MED8: variants seen among roughly 807,000 people sequenced by gnomAD.
MED8 encodes mediator of RNA polymerase II transcription subunit 8.
Under a neutral mutation model 34.8 loss-of-function variants are expected in MED8, and 22 were observed. The ratio of observed to expected loss-of-function variants is 0.63; its 90% confidence interval spans 0.45 to 0.90. The LOEUF (loss-of-function observed/expected upper bound fraction) is 0.90. MED8 is among the 40% of genes least tolerant of loss of function. The pLI, the probability that MED8 is intolerant of heterozygous loss-of-function variation, is 0.00. For synonymous variants in MED8, 105 were observed against 120.2 expected, an observed-to-expected ratio of 0.87 and a Z score of 0.83; for missense variants, 260 against 326.3, an observed-to-expected ratio of 0.80 and a Z score of 1.57.
rs747823477 is a variant in MED8 at position 43,388,435 on chromosome 1, C to A, written c.7-7G>T. On this transcript the variant is annotated splice_region_variant and splice_polypyrimidine_tract_variant and intron_variant, in intron 1 of 6. Coordinates refer to ENST00000372457, the MANE Select transcript of MED8 (RefSeq NM_201542.5). The stretch of plus-strand genomic sequence containing the variant: ...CAAGCTGCTTCTCCTCTCTCTGCAC[C>A]AATAGGAACAGGTTGGTCACCCAGA... 1.2e-6 allele frequency: 2 copies of A among 1,613,130 alleles called. No individual in the cohort carries two copies. Among genetic ancestry groups the A allele is most frequent in the Admixed American group, 3.3e-5 (2 of 60,006 alleles).
intron 1 of MED8, among the ~76,000 whole-genome samples, chr1:43,389,444 C>G (rs1172816046): frequency 2.0e-5 from 3 of 150,122 alleles, no homozygotes; most frequent in African/African-American, 7.3e-5. Flanking sequence ...CCACCACCTT[C>G]TTGAGCCGTC....
At chr1:43,385,460 T>G in intron 6 of MED8, 1 of 245,288 alleles carries the variant, frequency 4.1e-6, no homozygotes, top group Non-Finnish European at 8.0e-6. Context: ...ATTGTCCCTT[T>G]TCCTAGACAG....
chr1:43,385,669 A>G (rs1467244335), intron 6 of MED8: 6 of 372,432 alleles, frequency 1.6e-5, no homozygotes, highest in Middle Eastern at 8.3e-4. Flanking sequence ...TCTCTACCTA[A>G]CAAGAGACAC....
rs1454015367 is a variant in MED8, at chr1:43,386,314, T to G, written c.494-88A>C. The stretch of plus-strand genomic sequence containing the variant: ...GGAAGACCAGTATGAGTGCCAGGGT[T>G]TGGAGTTCTGAATTCAGCAACATCT... On this transcript the variant is annotated intron_variant, in intron 5 of 6. Transcript: ENST00000372457. The surrounding 1 kb of genome is among the most constrained non-coding windows in gnomAD (Gnocchi z 4.9). 6.7e-7 allele frequency: 1 copy of G among 1,497,776 alleles called. No individual in the cohort carries two copies. 92.8% of individuals were successfully genotyped at this position (1,497,776 alleles called of 1,614,324 possible). A position where few individuals can be genotyped will look rare whatever the true frequency, so the allele number is the denominator to read the frequency against.
Position 43,388,352 on chromosome 1 carries a change from C to T in MED8, c.83G>A (p.Ser28Asn), listed in dbSNP as rs754067409. The change falls in exon 2 of 7, where the codon AGT (serine) becomes AAT (asparagine). Residue 28 changes from serine to asparagine, a missense_variant. By Grantham distance (46) the Ser-to-Asn change is conservative. Coordinates refer to ENST00000372457, the MANE Select transcript of MED8 (RefSeq NM_201542.5). ...CTCGTTCTCCAACTTGCAAATGAAA[C>T]TCCCCAGAGAGTTCTTCAGATCAGC... ...QVADLKNSLG[S>N]FICKLENEYG... 5.0e-6 allele frequency: 8 copies of T among 1,613,694 alleles called. No homozygotes were observed. In the South Asian group the frequency reaches 7.7e-5, roughly 16 times the overall value.
In MED8 at chr1:43,385,031, G is replaced by A; in HGVS notation, c.*11C>T. The A allele has an allele frequency of 6.4e-7, 1 of 1,554,500 alleles. No homozygotes were observed. The highest frequency in any genetic ancestry group is 8.7e-7 in the Non-Finnish European group (1 of 1,148,606). ...CAAAGAGCACCAGGGAGTCGAGGTT[G>A]CCAGCCACACTCACCGCTGGTAGGG... On this transcript the variant is annotated 3_prime_UTR_variant, in exon 7 of 7. Coordinates refer to ENST00000372457, the MANE Select transcript of MED8 (RefSeq NM_201542.5).
intron 1 of MED8, 148 bp downstream of exon 1, chr1:43,389,611 A>G: frequency 7.9e-7 from 1 of 1,259,932 alleles, no homozygotes; most frequent in Admixed American, 2.8e-5. Flanking sequence ...CGCTCCAATT[A>G]GCCTCGCCCC....
chr1:43,385,007 A>C lies in MED8; in HGVS notation c.*35T>G. On this transcript the variant is annotated 3_prime_UTR_variant, in exon 7 of 7. Transcript: ENST00000372457. Reference sequence around the variant, plus strand: ...AGGTAATTTCACTGCCCAACTCTGCAAAGAGCACCAGGGAGTCGAGGTTGC... The same window carrying C: ...AGGTAATTTCACTGCCCAACTCTGCCAAGAGCACCAGGGAGTCGAGGTTGC... The C allele has an allele frequency of 4.5e-6, 7 of 1,550,010 alleles. No individual in the cohort carries two copies. The highest frequency in any genetic ancestry group is 6.1e-6 in the Non-Finnish European group (7 of 1,146,700).
Position 43,384,716 on chromosome 1 carries a change from G to A in MED8, c.*326C>T. The A allele has an allele frequency of 6.9e-7, 1 of 1,441,506 alleles. No homozygotes were observed. Among genetic ancestry groups the A allele is most frequent in the Non-Finnish European group, 9.1e-7 (1 of 1,099,926 alleles). 89.3% of individuals were successfully genotyped at this position (1,441,506 alleles called of 1,614,324 possible). On this transcript the variant is annotated 3_prime_UTR_variant, in exon 7 of 7. Coordinates refer to ENST00000372457, the MANE Select transcript of MED8 (RefSeq NM_201542.5). ...ATCAAGGACTGTGGAGGGTGGTGGG[G>A]AGAAGGATCTGTAGAAACTATCATT...
chr1:43,384,810 C>T lies in MED8; in HGVS notation c.*232G>A. 11 of 1,384,858 alleles carry T rather than the reference C, an allele frequency of 7.9e-6. No individual in the cohort carries two copies. Among genetic ancestry groups the T allele is most frequent in the East Asian group, 2.5e-5 (1 of 39,320 alleles). The allele number at this position is 1,384,858 out of a possible 1,614,324, so 85.8% of individuals were successfully genotyped here. A position where few individuals can be genotyped will look rare whatever the true frequency, so the allele number is the denominator to read the frequency against. ...ATTCATTTCCTCATTTTAATCCTCA[C>T]AACAACCCTATGAGGTAGGTATTAT... On this transcript the variant is annotated 3_prime_UTR_variant, in exon 7 of 7. Transcript: ENST00000372457.
chr1:43,388,946 A>G (rs890143874), intron 1 of MED8: 1 of 152,978 alleles, frequency 6.5e-6, no homozygotes, highest in Admixed American at 6.5e-5. Flanking sequence ...TGCTCTCATC[A>G]TTTTGTTTCA....
chr1:43,384,978 C>A lies in MED8; in HGVS notation c.*64G>T. ...TGTACCCATCTAGGTGAGCCTTGAG[C>A]AAAAGGTAATTTCACTGCCCAACTC... On this transcript the variant is annotated 3_prime_UTR_variant, in exon 7 of 7. Transcript: ENST00000372457. 1.3e-6 allele frequency: 2 copies of A among 1,528,330 alleles called. No homozygotes were observed. The highest frequency in any genetic ancestry group is 1.8e-6 in the Non-Finnish European group (2 of 1,138,494). 94.7% of individuals were successfully genotyped at this position (1,528,330 alleles called of 1,614,324 possible). A position where few individuals can be genotyped will look rare whatever the true frequency, so the allele number is the denominator to read the frequency against.
chr1:43,387,522 T>C lies in MED8; in HGVS notation c.251A>G (p.Asp84Gly). 1 of 1,614,036 alleles carries C rather than the reference T, an allele frequency of 6.2e-7. No individual in the cohort carries two copies. Among genetic ancestry groups the C allele is most frequent in the Non-Finnish European group, 8.5e-7 (1 of 1,179,874 alleles). Residue 84 changes from aspartate to glycine, a missense_variant, in exon 3 of 7, where the codon GAC (aspartate) becomes GGC (glycine). Physicochemically the swap from Asp to Gly is moderately conservative, Grantham distance 94. Coordinates refer to ENST00000372457, the MANE Select transcript of MED8 (RefSeq NM_201542.5). ...TCTTACCATGAGATCTTCATCTCGG[T>C]CTGGAGACAACACCAGAGGAATGAT... ...QVIIPLVLSP[D>G]RDEDLMRQTE...
intron 6 of MED8, 196 bp from the exon 7 acceptor site, chr1:43,385,302 G>T: frequency 1.5e-6 from 1 of 649,042 alleles, no homozygotes. Context: ...GAGGAAAGAA[G>T]TGACATGGGA....
Position 43,386,977 on chromosome 1 carries a change from G to A in MED8, c.292C>T (p.Pro98Ser). 1 of 1,613,976 alleles carries A rather than the reference G, an allele frequency of 6.2e-7. No individual in the cohort carries two copies. Among genetic ancestry groups the A allele is most frequent in the Non-Finnish European group, 8.5e-7 (1 of 1,179,896 alleles). ...GGGACTACCTCATGGCTGAAAACAG[G>A]CACCCGTCCTTCAGTCTGCCGCTGT... Reference protein sequence around the residue: ...DLMRQTEGRVPVFSHEVVPDH... With the variant: ...DLMRQTEGRVSVFSHEVVPDH... Residue 98 changes from proline to serine, a missense_variant, in exon 4 of 7, where the codon CCT (proline) becomes TCT (serine). Physicochemically the swap from Pro to Ser is moderately conservative, Grantham distance 74 (BLOSUM62 -1). Coordinates refer to ENST00000372457, the MANE Select transcript of MED8 (RefSeq NM_201542.5). This position sits in a 1 kb window ranked among gnomAD's most constrained non-coding sequence, Gnocchi z 4.9.
At chr1:43,385,946 A>C (rs1290068157) in intron 6 of MED8, 32 bp downstream of exon 6, 19 of 1,613,286 alleles carry the variant, frequency 1.2e-5, no homozygotes, top group Non-Finnish European at 1.6e-5. Flanking sequence ...TCCTGCTCAA[A>C]GTCAGCTTCA....
Position 43,386,041 on chromosome 1 carries a change from C to T in MED8, c.679G>A (p.Gly227Arg). 2 of 1,614,030 alleles carry T rather than the reference C, an allele frequency of 1.2e-6. No homozygotes were observed. The highest frequency in any genetic ancestry group is 1.7e-5 in the Admixed American group (1 of 60,022). Residue 227 changes from glycine (G) to arginine (R), a missense_variant, in exon 6 of 7, where the codon GGA becomes AGA. Coordinates refer to ENST00000372457, the MANE Select transcript of MED8 (RefSeq NM_201542.5). The surrounding 1 kb of genome is among the most constrained non-coding windows in gnomAD (Gnocchi z 4.9). ...TSGLQQVQMA[G>R]APSQQQPMLS... ...ATTGGCTGCTGCTGGCTTGGAGCTC[C>T]TGCCATCTGCACCTGCTGTAATCCT...
intron 3 of MED8, 39 bp downstream of exon 3, chr1:43,387,464 C>T (rs1647773739): frequency 6.2e-7 from 1 of 1,605,108 alleles, no homozygotes; most frequent in Non-Finnish European, 8.5e-7. Context: ...CCTAAAAAAC[C>T]CCTTAATTTC....
In MED8 at chr1:43,384,561, A is replaced by C. The variant is rs1260083850; in HGVS notation, c.*481T>G. ...AACCCAGGCAGGAGGGCCTGCAAAA[A>C]CAGTGTGCCTCTAAGAACACAGAGG... On this transcript the variant is annotated 3_prime_UTR_variant, in exon 7 of 7. Coordinates refer to ENST00000372457, the MANE Select transcript of MED8 (RefSeq NM_201542.5). 3 of 1,602,934 alleles carry C rather than the reference A, an allele frequency of 1.9e-6. No individual in the cohort carries two copies. The highest frequency in any genetic ancestry group is 3.5e-5 in the Admixed American group (2 of 57,956).
Sources: allele counts gnomAD v4.1 joint callset (sites outside exome capture counted in the v4.1 genomes callset), GRCh38; gene constraint gnomAD v4.1.1; non-coding constraint Gnocchi (gnomAD v3.1); transcripts MANE v1.5; gene names NCBI Gene and HGNC (gene_info 2026-07-23, HGNC 2026-07-21).